TEX101: variants seen among roughly 807,000 people sequenced by gnomAD.
TEX101 encodes testis expressed 101, also known as testis-expressed protein 101.
In TEX101, 10 loss-of-function variants were observed where a neutral mutation model predicts 18.1. That is an observed-to-expected ratio of 0.55 (90% CI 0.34 to 0.94). The LOEUF is 0.94. Ranked by LOEUF, TEX101 falls within the 40% of genes least tolerant of loss-of-function variation. TEX101 has a pLI of 0.02. For missense variants in TEX101, 259 were observed against 298.9 expected, an observed-to-expected ratio of 0.87 and a Z score of 0.98; for synonymous variants, 94 against 114.8, an observed-to-expected ratio of 0.82 and a Z score of 1.16.
At chr19:43,393,152 A>T in the TEX101 span, among the ~76,000 whole-genome samples, 5 of 148,810 alleles carry the variant, frequency 3.4e-5, no homozygotes, top group African/African-American at 1.3e-4. Flanking sequence ...AGAGACAAAG[A>T]CAGAGACAGA....
In TEX101 at chr19:43,416,103, CCTAGAGCTGTATTGT is replaced by C. The variant is rs753567906; in HGVS notation, c.71_85del (p.Leu24_Cys28del). ...CTTTTCTTGTTTTCTCCTCAGCGGG[CCTAGAGCTGTATTGT>C]CAAAAGGGTCTGTCCATGACTGTGG... On this transcript the variant is annotated inframe_deletion, in exon 3 of 6. Coordinates refer to ENST00000598265, the MANE Select transcript of TEX101 (RefSeq NM_001130011.3). 1 of 1,609,898 alleles carries C rather than the reference CCTAGAGCTGTATTGT, an allele frequency of 6.2e-7. No individual in the cohort carries two copies. Among genetic ancestry groups the C allele is most frequent in the African/African-American group, 1.3e-5 (1 of 74,812 alleles).
At chr19:43,413,934 G>A (rs955780307), upstream of TEX101, among the ~76,000 whole-genome samples, 4 of 151,632 alleles carry the variant, frequency 2.6e-5, no homozygotes, top group Admixed American at 1.3e-4. Flanking sequence ...CAGCCTGGGG[G>A]ATAGAGAGAG....
the TEX101 span, among the ~76,000 whole-genome samples, chr19:43,396,459 C>T: frequency 1.3e-5 from 2 of 152,084 alleles, no homozygotes; most frequent in African/African-American, 4.8e-5. Context: ...ATGATATTTC[C>T]AATTCTTTTA....
intron 3 of TEX101, among the ~76,000 whole-genome samples, chr19:43,407,608 A>C (rs1175819783): frequency 6.6e-6 from 1 of 152,254 alleles, no homozygotes. Flanking sequence ...GCTCTTGCCC[A>C]GTACCACAGG....
exon 3 of TEX101, chr19:43,406,506 T>C (rs1313712042): frequency 1.3e-6 from 1 of 755,168 alleles, no homozygotes; most frequent in Admixed American, 1.8e-5. Context: ...AGTTCCCGCA[T>C]GGGGGCGAGG....
intron 3 of TEX101, among the ~76,000 whole-genome samples, chr19:43,407,484 A>C (rs1314843897): frequency 6.2e-4 from 35 of 56,730 alleles, no homozygotes; most frequent in African/African-American, 1.9e-3. Flanking sequence ...AAACTTCGTC[A>C]AAAAAAAAAA....
chr19:43,417,835 G>C (rs1305157053), intron 4 of TEX101, 43 bp from the exon 5 acceptor site: 1 of 1,611,116 alleles, frequency 6.2e-7, no homozygotes, highest in Non-Finnish European at 8.5e-7. Context: ...AACATCTCTG[G>C]AGGCAGGACC....
chr19:43,408,239 G>C (rs1970387681), intron 3 of TEX101, among the ~76,000 whole-genome samples: 1 of 152,192 alleles, frequency 6.6e-6, no homozygotes, highest in Non-Finnish European at 1.5e-5. Context: ...GGCGGTGAGG[G>C]CCGCCCCCGC....
chr19:43,403,609 T>C (rs888980055), intron 2 of TEX101, among the ~76,000 whole-genome samples: 2 of 151,698 alleles, frequency 1.3e-5, no homozygotes, highest in Non-Finnish European at 2.9e-5. Context: ...GAAATACCAA[T>C]ATTATTAGCC....
At position 43,414,910 on chromosome 19, in the gene TEX101, G is replaced by T; in HGVS notation, c.-168G>T. Reference sequence around the variant, plus strand: ...GTCGTAAGAGAATGCCAAGCCCGGGGAGAAGGCGTTCCGGGCCTCAACTTT... The same window carrying T: ...GTCGTAAGAGAATGCCAAGCCCGGGTAGAAGGCGTTCCGGGCCTCAACTTT... On this transcript the variant is annotated 5_prime_UTR_variant, in exon 1 of 6. Transcript: ENST00000598265. The T allele has an allele frequency of 1.0e-6, 1 of 985,514 alleles. No individual in the cohort carries two copies. The highest frequency in any genetic ancestry group is 1.2e-6 in the Non-Finnish European group (1 of 829,968). 61.0% of individuals were successfully genotyped at this position (985,514 alleles called of 1,614,324 possible).
chr19:43,417,127 G>A (rs1277406946), intron 4 of TEX101, among the ~76,000 whole-genome samples: 8 of 151,216 alleles, frequency 5.3e-5, no homozygotes, highest in South Asian at 2.1e-4. Flanking sequence ...ACTGCTGCAC[G>A]AGAACGGCCC....
At chr19:43,416,942 A>G (rs907219257) in intron 4 of TEX101, among the ~76,000 whole-genome samples, 2 of 151,180 alleles carry the variant, frequency 1.3e-5, no homozygotes, top group African/African-American at 4.9e-5. Context: ...CTGAGGCAGG[A>G]GAATTGCTTG....
chr19:43,404,051 A>T (rs1970340055), intron 2 of TEX101, among the ~76,000 whole-genome samples: 1 of 140,308 alleles, frequency 7.1e-6, no homozygotes, highest in South Asian at 2.3e-4. Context: ...AAAAAAAAAG[A>T]TGGTCAAAAG....
Position 43,401,602 on chromosome 19 carries a change from A to T in TEX101, c.-377+41A>T, listed in dbSNP as rs114390254. 463 of 152,410 alleles carry T rather than the reference A, an allele frequency of 3.0e-3. 4 individuals are homozygous for T. The highest frequency in any genetic ancestry group is 0.011 in the African/African-American group (448 of 41,598). The allele number at this position is 152,410 out of a possible 1,614,324, so 9.4% of individuals were successfully genotyped here. ...CCGGGAGTGGTGGCTTGCGCCTATA[A>T]TCCCAGAATTTTGGGAGGCCAAGGC... On this transcript the variant is annotated intron_variant, in intron 1 of 7. Coordinates refer to the TEX101 transcript ENST00000602198.
chr19:43,393,211 G>A, the TEX101 span, among the ~76,000 whole-genome samples: 1 of 152,222 alleles, frequency 6.6e-6, no homozygotes, highest in African/African-American at 2.4e-5. Context: ...CAGACACACA[G>A]TGAGGAGGAG....
chr19:43,416,286 A>G, intron 3 of TEX101, 44 bp downstream of exon 3: 3 of 1,589,010 alleles, frequency 1.9e-6, no homozygotes, highest in Non-Finnish European at 2.6e-6. Context: ...AGGGAGGTTG[A>G]TTATCTCCAT....
At chr19:43,401,404 C>A (rs1027981793), upstream of TEX101, 1 of 152,266 alleles carries the variant, frequency 6.6e-6, no homozygotes, top group African/African-American at 2.4e-5. Context: ...CTTTTAGGCA[C>A]AAGCAAGTTG....
chr19:43,409,178 C>G (rs10409032), intron 3 of TEX101, among the ~76,000 whole-genome samples: 3 of 152,042 alleles, frequency 2.0e-5, no homozygotes, highest in African/African-American at 7.2e-5. Flanking sequence ...TAACATCTAC[C>G]GCAGAAGAAA....
At chr19:43,403,669 A>T (rs1270412510) in intron 2 of TEX101, among the ~76,000 whole-genome samples, 4 of 152,098 alleles carry the variant, frequency 2.6e-5, no homozygotes, top group Non-Finnish European at 4.4e-5. Context: ...TTTTAAAAAA[A>T]AAAAGGAAAA....
Sources: allele counts gnomAD v4.1 joint callset (sites outside exome capture counted in the v4.1 genomes callset), GRCh38; gene constraint gnomAD v4.1.1; transcripts MANE v1.5; gene names NCBI Gene and HGNC (gene_info 2026-07-23, HGNC 2026-07-21).